The following TMEM114 variants were observed in gnomAD, a reference collection of about 807,000 sequenced individuals.
The protein encoded by TMEM114 is claudin-26.
In TMEM114, 6 loss-of-function variants were observed where a neutral mutation model predicts 6.2. The observed-to-expected ratio is 0.97, with a 90% confidence interval of 0.53 to 1.91. The LOEUF is 1.91. Ranked by LOEUF, TMEM114 falls within the 40% of genes most tolerant of loss-of-function variation. The pLI, the probability that TMEM114 is intolerant of heterozygous loss-of-function variation, is 0.01. For missense variants in TMEM114, 218 were observed against 158.3 expected (o/e 1.38, Z -2.02); for synonymous variants, 104 against 73.0 (o/e 1.42, Z -2.16).
chr16:8,539,649 C>T (rs1900462396), intron 2 of TMEM114, among the ~76,000 whole-genome samples: 1 of 152,052 alleles, frequency 6.6e-6, no homozygotes, highest in South Asian at 2.1e-4. Flanking sequence ...GTGCAACTGG[C>T]CCAGGGATCC....
chr16:8,564,344 A>G (rs1901439417), intron 2 of TMEM114, among the ~76,000 whole-genome samples: 1 of 140,490 alleles, frequency 7.1e-6, no homozygotes. Context: ...TGAGTCAGTG[A>G]GAGAATGAGT....
At chr16:8,539,054 T>C (rs1236321057) in intron 2 of TMEM114, among the ~76,000 whole-genome samples, 1 of 152,182 alleles carries the variant, frequency 6.6e-6, no homozygotes, top group East Asian at 1.9e-4. Context: ...AAATTCTGAT[T>C]ATTAAATAGC....
At chr16:8,553,344 G>A (rs1371589631) in intron 2 of TMEM114, among the ~76,000 whole-genome samples, 3 of 152,174 alleles carry the variant, frequency 2.0e-5, no homozygotes, top group Admixed American at 2.0e-4. Context: ...AGTCTTTCAG[G>A]AGAACGAAAA....
chr16:8,589,897 C>G lies in TMEM114; in HGVS notation c.-59G>C. 5.1e-6 allele frequency: 2 copies of G among 393,834 alleles called. No homozygotes were observed. Among genetic ancestry groups the G allele is most frequent in the Non-Finnish European group, 9.0e-6 (2 of 223,174 alleles). 24.4% of individuals were successfully genotyped at this position (393,834 alleles called of 1,614,324 possible). A position where few individuals can be genotyped will look rare whatever the true frequency, so the allele number is the denominator to read the frequency against. ...GTGGCCGCGGCGCGACCCCTCTGCT[C>G]CTGCCCCCGTCCCCAGCCGGCCACC... On this transcript the variant is annotated 5_prime_UTR_variant, in exon 1 of 4. Coordinates refer to ENST00000620492, the MANE Select transcript of TMEM114 (RefSeq NM_001146336.2).
rs186772389 is a variant in TMEM114, at chr16:8,546,243, A to G, written n.213-8417T>C. On this transcript the variant is annotated intron_variant and non_coding_transcript_variant, in intron 2 of 2. Coordinates refer to the TMEM114 transcript ENST00000623677. The stretch of plus-strand genomic sequence containing the variant: ...GTTTCAGACTGATTGTGTATACTTT[A>G]TAGAATTTCTTAACTCATTTCAAAC... Among the ~76,000 whole-genome samples the G allele has an allele frequency of 1.2e-3, 182 of 152,362 alleles. 1 individual carries two copies. The highest frequency in any genetic ancestry group is 4.2e-3 in the African/African-American group (175 of 41,582).
At chr16:8,533,382 A>G (rs762335972), downstream of TMEM114, among the ~76,000 whole-genome samples, 1 of 152,206 alleles carries the variant, frequency 6.6e-6, no homozygotes, top group Non-Finnish European at 1.5e-5. Flanking sequence ...CCTGGAGCAG[A>G]AACATGCTCT....
intron 2 of TMEM114, among the ~76,000 whole-genome samples, chr16:8,545,271 C>A (rs150048772): frequency 6.6e-6 from 1 of 152,062 alleles, no homozygotes; most frequent in Non-Finnish European, 1.5e-5. Flanking sequence ...GAGCCCTTAT[C>A]TACAAAAAAT....
intron 2 of TMEM114, among the ~76,000 whole-genome samples, chr16:8,555,471 G>T (rs77352879): frequency 0.16 from 11,412 of 72,186 alleles, 526 homozygotes; most frequent in Middle Eastern, 0.32. Context: ...AGTAATTTCC[G>T]GGTGGTGGGG....
intron 2 of TMEM114, among the ~76,000 whole-genome samples, chr16:8,583,249 G>A (rs1902214036): frequency 6.6e-6 from 1 of 152,176 alleles, no homozygotes; most frequent in Admixed American, 6.5e-5. Flanking sequence ...GAGCAAATAA[G>A]TGCATCTGGT....
downstream of TMEM114, among the ~76,000 whole-genome samples, chr16:8,564,881 G>GGGAA (rs1294669408): frequency 5.4e-5 from 2 of 36,896 alleles, no homozygotes; most frequent in Non-Finnish European, 1.1e-4. Flanking sequence ...GAGGGAGGGA[G>GGGAA]TGAATGAGTG....
rs1464777413 is a variant in TMEM114, at chr16:8,570,018, C to T, written c.440-13G>A. 1.9e-6 allele frequency: 3 copies of T among 1,544,102 alleles called. No individual in the cohort carries two copies. Among genetic ancestry groups the T allele is most frequent in the African/African-American group, 1.4e-5 (1 of 72,934 alleles). On this transcript the variant is annotated splice_polypyrimidine_tract_variant and intron_variant, in intron 3 of 3. Coordinates refer to ENST00000620492, the MANE Select transcript of TMEM114 (RefSeq NM_001146336.2). ...AGGGTCACCATGGCTGCAGGGAGGGCAAAGGGAGAGCAGATCAATCCCCCA... is the reference window on the plus strand; with the variant it reads ...AGGGTCACCATGGCTGCAGGGAGGGTAAAGGGAGAGCAGATCAATCCCCCA...
intron 2 of TMEM114, among the ~76,000 whole-genome samples, chr16:8,561,832 G>A (rs558294740): frequency 6.6e-5 from 10 of 151,982 alleles, no homozygotes; most frequent in African/African-American, 2.4e-4. Flanking sequence ...GAATGAGTGA[G>A]TGAATGAGTG....
At chr16:8,586,332 G>T (rs1902319785) in intron 2 of TMEM114, among the ~76,000 whole-genome samples, 1 of 152,020 alleles carries the variant, frequency 6.6e-6, no homozygotes, top group Non-Finnish European at 1.5e-5. Flanking sequence ...CCCTCTCATG[G>T]AAGTCTAACC....
chr16:8,533,824 T>A (rs1490542939), downstream of TMEM114, among the ~76,000 whole-genome samples: 1 of 152,212 alleles, frequency 6.6e-6, no homozygotes, highest in Admixed American at 6.5e-5. Flanking sequence ...CAGATGGGTT[T>A]CCTGTGATTG....
Position 8,564,288 on chromosome 16 carries a change from A to G in TMEM114, n.212+24925T>C, listed in dbSNP as rs1259849867. ...GATGAAATAAGTGAATGAGTGATGA[A>G]ATAAGTGAATGAGTGATGAAATAAG... On this transcript the variant is annotated intron_variant and non_coding_transcript_variant, in intron 2 of 2. Transcript: ENST00000623677. 5.5e-5 allele frequency among the ~76,000 whole-genome samples: 4 copies of G among 72,556 alleles called. 1 individual carries two copies. Among genetic ancestry groups the G allele is most frequent in the African/African-American group, 2.1e-4 (4 of 18,648 alleles). The allele number at this position is 72,556 out of a possible 152,430, so 47.6% of individuals were successfully genotyped here. A position where few individuals can be genotyped will look rare whatever the true frequency, so the allele number is the denominator to read the frequency against.
the TMEM114 span, among the ~76,000 whole-genome samples, chr16:8,529,293 A>G: frequency 2.6e-5 from 4 of 152,206 alleles, no homozygotes; most frequent in African/African-American, 4.8e-5. Flanking sequence ...AGCTATTCCA[A>G]AATGGTTCTG....
At chr16:8,565,223 G>A (rs1424982546), downstream of TMEM114, among the ~76,000 whole-genome samples, 1 of 152,180 alleles carries the variant, frequency 6.6e-6, no homozygotes, top group African/African-American at 2.4e-5. Context: ...GAATAAGTGA[G>A]TGAATGAATG....
intron 2 of TMEM114, among the ~76,000 whole-genome samples, chr16:8,561,507 G>C (rs1404397019): frequency 6.6e-6 from 1 of 152,236 alleles, no homozygotes; most frequent in Non-Finnish European, 1.5e-5. Flanking sequence ...CAGGTTTTGA[G>C]TCACTTTTGT....
At chr16:8,577,674 C>A (rs970472907) in intron 2 of TMEM114, among the ~76,000 whole-genome samples, 2 of 151,856 alleles carry the variant, frequency 1.3e-5, no homozygotes, top group South Asian at 2.1e-4. Flanking sequence ...ACCTCCACTT[C>A]CTGGGTTCAA....
Sources: gnomAD v4.1 joint callset for allele counts (sites outside exome capture counted in the v4.1 genomes callset) on GRCh38, gnomAD v4.1.1 for gene constraint, MANE v1.5 for transcripts, NCBI Gene and HGNC (gene_info 2026-07-23, HGNC 2026-07-21) for gene names.